The following DMTN variants were observed in gnomAD, a reference collection of about 807,000 sequenced individuals.
The protein encoded by DMTN is dematin actin binding protein, also known as dematin.
Under a neutral mutation model 59.4 loss-of-function variants are expected in DMTN, and 27 were observed. The observed-to-expected ratio is 0.45, with a 90% CI of 0.33 to 0.63. The LOEUF (loss-of-function observed/expected upper bound fraction) is 0.63, where lower values mean the gene tolerates loss of function less well. DMTN is among the 20% of genes least tolerant of loss of function. DMTN has a pLI of 0.02. For synonymous variants in DMTN, 221 were observed against 203.7 expected, an observed-to-expected ratio of 1.08 and a Z score of -0.72; for missense variants, 451 against 528.9, an observed-to-expected ratio of 0.85 and a Z score of 1.45.
At chr8:22,067,281 G>A (rs1811526369) in intron 3 of DMTN, 122 bp downstream of exon 3, 3 of 1,231,458 alleles carry the variant, frequency 2.4e-6, no homozygotes, top group African/African-American at 3.1e-5. Flanking sequence ...GTGCTGGCGG[G>A]CAGAGAGAAC....
chr8:22,081,494 T>C lies in DMTN; in HGVS notation c.*31T>C. 6.3e-7 allele frequency: 1 copy of C among 1,580,934 alleles called. No individual in the cohort carries two copies. The highest frequency in any genetic ancestry group is 8.7e-7 in the Non-Finnish European group (1 of 1,150,310). The stretch of plus-strand genomic sequence containing the variant: ...CCCACCTGCTCCGGGACGGCCCCCT[T>C]ACCCCTGCTGCTTCAGGGTTTTTCC... On this transcript the variant is annotated 3_prime_UTR_variant, in exon 16 of 16. Transcript: ENST00000358242.
At chr8:22,075,952 C>T (rs1272897557) in intron 10 of DMTN, among the ~76,000 whole-genome samples, 5 of 152,160 alleles carry the variant, frequency 3.3e-5, no homozygotes, top group African/African-American at 7.2e-5. Context: ...GGCTAAAAAA[C>T]GATGTGGGTC....
At chr8:22,073,649 A>AT in intron 9 of DMTN, 81 bp from the exon 10 acceptor site, 10 of 767,982 alleles carry the variant, frequency 1.3e-5, no homozygotes, top group Non-Finnish European at 1.6e-5. Context: ...AAAAAAAAAA[A>AT]AAAGAAAGAA....
At chr8:22,054,798 C>T (rs1801860291), upstream of DMTN, 1 of 152,484 alleles carries the variant, frequency 6.6e-6, no homozygotes, top group African/African-American at 2.4e-5. Flanking sequence ...AGGACCCACC[C>T]TCAGGCCCCC....
chr8:22,052,164 G>A (rs7387470), upstream of DMTN, among the ~76,000 whole-genome samples: 2 of 152,342 alleles, frequency 1.3e-5, no homozygotes, highest in East Asian at 3.9e-4. Context: ...GGTCTTGCCA[G>A]CCATTCACTT....
chr8:22,076,102 A>G (rs1367861161), intron 10 of DMTN, among the ~76,000 whole-genome samples: 13 of 152,260 alleles, frequency 8.5e-5, no homozygotes, highest in Admixed American at 2.6e-4. Context: ...CCAACTTGGA[A>G]CTGAGATAAT....
At chr8:22,059,646 C>G (rs988448523) in intron 1 of DMTN, 1 of 152,274 alleles carries the variant, frequency 6.6e-6, no homozygotes, top group Non-Finnish European at 1.5e-5. Context: ...AAGTTCACCT[C>G]TCAGCTTCAT....
At chr8:22,079,301 T>TATATATATATATATATATATATATATA (rs199745360) in intron 10 of DMTN, among the ~76,000 whole-genome samples, 4 of 84,928 alleles carry the variant, frequency 4.7e-5, no homozygotes, top group African/African-American at 5.1e-5. Context: ...TATATATATA[T>TATATATATATATATATATATATATATA]TAGCTGGGTT....
At chr8:22,075,642 C>T (rs6557775) in intron 10 of DMTN, among the ~76,000 whole-genome samples, 150,807 of 151,480 alleles carry the variant, frequency 1, 75,069 homozygotes, top group Middle Eastern at 1. Flanking sequence ...CCTCAGCCTC[C>T]CGAGTACCTG....
upstream of DMTN, among the ~76,000 whole-genome samples, chr8:22,049,580 C>T (rs1239942988): frequency 7.2e-6 from 1 of 138,020 alleles, no homozygotes; most frequent in African/African-American, 2.6e-5. Flanking sequence ...CCCCCCCCCC[C>T]CGCCACCCCA....
rs1162335014 is a variant in DMTN, at chr8:22,073,789, C to G, written c.789C>G (p.Ile263Met). Residue 263 changes from isoleucine to methionine, a missense_variant, in exon 10 of 16, where the codon ATC becomes ATG. By Grantham distance (10) the Ile-to-Met change is conservative. Coordinates refer to ENST00000358242, the MANE Select transcript of DMTN (RefSeq NM_001387751.1). ...LKEEMEKSLP[I>M]RRKTRSLPDR... ...AAGAGATGGAAAAGTCATTGCCGATCCGAAGGAAAACCCGCTCTCTGCCTG... is the reference window on the plus strand; with the variant it reads ...AAGAGATGGAAAAGTCATTGCCGATGCGAAGGAAAACCCGCTCTCTGCCTG... 1.2e-6 allele frequency: 2 copies of G among 1,614,002 alleles called. No homozygotes were observed. Among genetic ancestry groups the G allele is most frequent in the Non-Finnish European group, 8.5e-7 (1 of 1,180,026 alleles).
chr8:22,080,760 G>T lies in DMTN; in HGVS notation c.958-45G>T, dbSNP rs773189914. The T allele has an allele frequency of 5.0e-6, 8 of 1,596,654 alleles. No homozygotes were observed. The East Asian group carries it at 1.8e-4, about 36-fold the overall frequency. On this transcript the variant is annotated intron_variant, in intron 13 of 15. Transcript: ENST00000358242. ...AAGAAGCCGGGGTAAGGCTGGGAAGGTCTCCCTGCCCCGCTCTGGCTCACT... is the reference window on the plus strand; with the variant it reads ...AAGAAGCCGGGGTAAGGCTGGGAAGTTCTCCCTGCCCCGCTCTGGCTCACT...
intron 8 of DMTN, among the ~76,000 whole-genome samples, chr8:22,071,680 C>T (rs567986471): frequency 2.0e-5 from 3 of 151,528 alleles, no homozygotes; most frequent in South Asian, 2.1e-4. Flanking sequence ...CCCGGGCTCA[C>T]GCTATTCTCC....
Position 22,081,093 on chromosome 8 carries a change from GCCCCT to G in DMTN, c.1024-15_1024-11del. ...CAGGATATTCTGTGAGCCTAAGATT[GCCCCT>G]CCCCCCACCCCCAGATCTATCCCTA... On this transcript the variant is annotated splice_polypyrimidine_tract_variant and intron_variant, in intron 14 of 15. Transcript: ENST00000358242. 1.3e-6 allele frequency: 2 copies of G among 1,572,836 alleles called. No individual in the cohort carries two copies. Among genetic ancestry groups the G allele is most frequent in the Non-Finnish European group, 1.7e-6 (2 of 1,144,750 alleles).
intron 14 of DMTN, 90 bp from the exon 15 acceptor site, chr8:22,081,023 A>G: frequency 6.7e-7 from 1 of 1,488,684 alleles, no homozygotes; most frequent in Non-Finnish European, 9.3e-7. Flanking sequence ...CATGAACCCC[A>G]GTGGCCTCTG....
In DMTN at chr8:22,070,291, C is replaced by G; in HGVS notation, c.561C>G (p.Ile187Met). The change falls in exon 8 of 16, where the codon ATC (isoleucine) becomes ATG (methionine). Residue 187 changes from isoleucine to methionine, a missense_variant. By Grantham distance (10) the Ile-to-Met change is conservative. Coordinates refer to ENST00000358242, the MANE Select transcript of DMTN (RefSeq NM_001387751.1). ...QPPDPNQPAK[I>M]ETDYWPCPPS... is the part of the protein sequence containing the mutation. ...CAGACCCCAACCAGCCAGCCAAAAT[C>G]GAAACCGACTACTGGCCATGCCCCC... is the stretch of plus-strand genomic sequence containing the variant. The G allele has an allele frequency of 1.9e-6, 3 of 1,613,652 alleles. No homozygotes were observed. The highest frequency in any genetic ancestry group is 2.5e-6 in the Non-Finnish European group (3 of 1,179,784).
At position 22,081,169 on chromosome 8, in the gene DMTN, G is replaced by A. The variant is rs145133242; in HGVS notation, c.1080G>A (p.Pro360=). 641 of 1,612,316 alleles carry A rather than the reference G, an allele frequency of 4.0e-4. No homozygotes were observed. In the African/African-American group the frequency reaches 4.8e-3, roughly 12 times the overall value. The part of the protein sequence containing the change: ...VTNKGRTKLP[P]GVDRMRLERH... The stretch of plus-strand genomic sequence containing the variant: ...ACAAGGGGCGAACCAAGCTGCCACC[G>A]GGGGTGGATCGGATGCGGCTTGAGG... Residue 360 remains proline (P), a synonymous_variant, in exon 15 of 16, where the codon CCG becomes CCA. Transcript: ENST00000358242.
At chr8:22,051,163 G>A (rs763543047), upstream of DMTN, among the ~76,000 whole-genome samples, 3 of 152,146 alleles carry the variant, frequency 2.0e-5, no homozygotes, top group Non-Finnish European at 2.9e-5. Flanking sequence ...GGGGAAACAC[G>A]AACCCATTTA....
chr8:22,067,836 G>C (rs1442497023), intron 4 of DMTN, among the ~76,000 whole-genome samples, 154 bp downstream of exon 4: 1 of 152,206 alleles, frequency 6.6e-6, no homozygotes, highest in Non-Finnish European at 1.5e-5. Flanking sequence ...CAGTCCATCC[G>C]GTGTTCAAGA....
Sources: allele counts gnomAD v4.1 joint callset (sites outside exome capture counted in the v4.1 genomes callset), GRCh38; gene constraint gnomAD v4.1.1; transcripts MANE v1.5; gene names NCBI Gene and HGNC (gene_info 2026-07-23, HGNC 2026-07-21).